The following PKD1 variants were observed in gnomAD, a reference collection of about 807,000 sequenced individuals.
PKD1 encodes polycystin 1, transient receptor potential channel interacting, also known as polycystin-1.
In PKD1, 81 loss-of-function variants were observed where a neutral mutation model predicts 361.7. The observed-to-expected ratio is 0.22, with a 90% CI of 0.19 to 0.27. The LOEUF (loss-of-function observed/expected upper bound fraction) is 0.27. Ranked by LOEUF, PKD1 falls within the 10% of genes least tolerant of loss-of-function variation. The probability of loss-of-function intolerance (pLI) is 1.00; values close to 1 mark genes in which losing one functional copy is unlikely to be tolerated. For missense variants in PKD1, 6,399 were observed against 6,118.3 expected (o/e 1.05, Z -1.53); for synonymous variants, 3,615 against 2,818.3 (o/e 1.28, Z -8.95).
chr16:2,113,704 G>C (rs1352479846), intron 11 of PKD1: 1 of 359,916 alleles, frequency 2.8e-6, no homozygotes, highest in Non-Finnish European at 5.2e-6. Context: ...CGCCATTTCT[G>C]ATGGCCCCTC....
At chr16:2,113,136 C>T (rs1202263305) in intron 12 of PKD1, 25 bp downstream of exon 12, 1 of 706,092 alleles carries the variant, frequency 1.4e-6, no homozygotes, top group Non-Finnish European at 2.5e-6. Context: ...CCCATCCCCT[C>T]CCCTCCCCAC....
chr16:2,106,887 T>C lies in PKD1; in HGVS notation c.7127A>G (p.Gln2376Arg), dbSNP rs1240731985. The C allele has an allele frequency of 5.8e-6, 9 of 1,556,708 alleles. No individual in the cohort carries two copies. In the African/African-American group the frequency reaches 8.5e-5, roughly 15 times the overall value. Residue 2376 changes from glutamine (Q) to arginine (R), a missense_variant, in exon 17 of 46, where the codon CAG becomes CGG. Transcript: ENST00000262304. The surrounding 1 kb of genome is among the most constrained non-coding windows in gnomAD (Gnocchi z 6.5). Reference protein sequence around the residue: ...VSLECVSCKAQAVYEVSRSSY... With the variant: ...VSLECVSCKARAVYEVSRSSY... The stretch of plus-strand genomic sequence containing the variant: ...GCTGCGGCTCACTTCGTACACGGCC[T>C]GTGCCTTGCAGGACACACACTCCAA...
intron 1 of PKD1, among the ~76,000 whole-genome samples, chr16:2,130,157 C>T (rs932035788): frequency 1.3e-5 from 2 of 152,260 alleles, no homozygotes; most frequent in South Asian, 4.1e-4. Flanking sequence ...CACGCAGGCA[C>T]GTTCTGAACG....
rs768622207 is a variant in PKD1, at chr16:2,112,934, G to A, written c.3015C>T (p.Val1005=). Residue 1005 remains valine, a synonymous_variant, in exon 13 of 46, where the codon GTC becomes GTT. Transcript: ENST00000262304. ...SLTASNHVSN[V]TVNYNVTVER... ...CCACGGTTACGTTGTAGTTCACGGTGACGTTGCTCACGTGGTTGGAGGCCG... is the reference window on the plus strand; with the variant it reads ...CCACGGTTACGTTGTAGTTCACGGTAACGTTGCTCACGTGGTTGGAGGCCG... The A allele has an allele frequency of 9.4e-6, 15 of 1,603,304 alleles. No individual in the cohort carries two copies. In the East Asian group the frequency reaches 1.1e-4, roughly 12 times the overall value.
rs771603537 is a variant in PKD1, at chr16:2,090,715, G to C, written c.12097C>G (p.Leu4033Val). The change falls in exon 44 of 46, where the codon CTG (leucine) becomes GTG (valine). Residue 4033 changes from leucine to valine, a missense_variant. Leu to Val is a conservative substitution (Grantham distance 32, BLOSUM62 1). Transcript: ENST00000262304. ...LPELLGVTLG[L>V]VVLGVAYAQL... is the part of the protein sequence containing the mutation. ...GCGTAGGCTACCCCGAGCACCACCA[G>C]GCCCAAGGTGACCCCCAGGAGCTCT... The C allele has an allele frequency of 1.2e-5, 20 of 1,612,490 alleles. No individual in the cohort carries two copies. The highest frequency in any genetic ancestry group is 1.4e-5 in the Non-Finnish European group (16 of 1,179,948).
In PKD1 at chr16:2,108,727, C is replaced by T. The variant is rs771035065; in HGVS notation, c.6440G>A (p.Arg2147Gln). The change falls in exon 15 of 46, where the codon CGG (arginine) becomes CAG (glutamine). Residue 2147 changes from arginine to glutamine, a missense_variant. Transcript: ENST00000262304. ...ATVTVQVLAC[R>Q]EPEVDVVLPL... The stretch of plus-strand genomic sequence containing the variant: ...CAGGACCACGTCCACCTCCGGCTCC[C>T]GGCAGGCCAGCACCTGGACGGTCAC... The T allele has an allele frequency of 1.3e-5, 21 of 1,571,496 alleles. No individual in the cohort carries two copies. The highest frequency in any genetic ancestry group is 2.2e-4 in the Middle Eastern group (1 of 4,502).
rs1478169362 is a variant in PKD1, at chr16:2,111,534, C to A, written c.3633G>T (p.Glu1211Asp). 1.2e-6 allele frequency: 2 copies of A among 1,604,754 alleles called. No individual in the cohort carries two copies. The highest frequency in any genetic ancestry group is 1.7e-6 in the Non-Finnish European group (2 of 1,176,554). ...TCATGTCCACGCTGAGTCCGCGGAG[C>A]TCCTCAAAGACGCGCACATCCGCCT... ...AAQADVRVFE[E>D]LRGLSVDMSL... The change falls in exon 15 of 46, where the codon GAG becomes GAT. Residue 1211 changes from glutamate to aspartate, a missense_variant. Transcript: ENST00000262304.
rs2091252371 is a variant in PKD1, at chr16:2,088,771, G to A, written c.*956C>T. 6 of 1,018,410 alleles carry A rather than the reference G, an allele frequency of 5.9e-6. No individual in the cohort carries two copies. Among genetic ancestry groups the A allele is most frequent in the Admixed American group, 2.6e-5 (1 of 38,104 alleles). The allele number at this position is 1,018,410 out of a possible 1,614,324, so 63.1% of individuals were successfully genotyped here. A position where few individuals can be genotyped will look rare whatever the true frequency, so the allele number is the denominator to read the frequency against. On this transcript the variant is annotated 3_prime_UTR_variant, in exon 46 of 46. Transcript: ENST00000262304. Reference sequence around the variant, plus strand: ...GGTGCGGGGGTTGGGGGGGTGTCGAGGCTCTAGAAGCGGCCATGCCCACAG... The same window carrying A: ...GGTGCGGGGGTTGGGGGGGTGTCGAAGCTCTAGAAGCGGCCATGCCCACAG...
At position 2,111,549 on chromosome 16, in the gene PKD1, C is replaced by T. The variant is rs1443461442; in HGVS notation, c.3618G>A (p.Val1206=). ...GTCCGCGGAGCTCCTCAAAGACGCG[C>T]ACATCCGCCTGGGCCGCCGCACCGC... ...TVSGAAAQAD[V]RVFEELRGLS... Residue 1206 remains valine (V), a synonymous_variant, in exon 15 of 46, where the codon GTG becomes GTA. Coordinates refer to ENST00000262304, the MANE Select transcript of PKD1 (RefSeq NM_001009944.3). 2 of 1,593,986 alleles carry T rather than the reference C, an allele frequency of 1.3e-6. No homozygotes were observed.
Position 2,106,309 on chromosome 16 carries a change from G to A in PKD1, c.7490-5C>T. On this transcript the variant is annotated splice_region_variant and splice_polypyrimidine_tract_variant and intron_variant, in intron 18 of 45. Transcript: ENST00000262304. The surrounding 1 kb of genome is among the most constrained non-coding windows in gnomAD (Gnocchi z 6.5). ...CATCCTCCGCGTCATGCCAGCCTGA[G>A]GGACGGTCCCCACGGCATCACGGGA... 2 of 1,608,976 alleles carry A rather than the reference G, an allele frequency of 1.2e-6. No homozygotes were observed. The highest frequency in any genetic ancestry group is 1.1e-5 in the South Asian group (1 of 90,936).
chr16:2,096,841 C>T, intron 34 of PKD1: 1 of 464,546 alleles, frequency 2.2e-6, no homozygotes, highest in South Asian at 2.8e-5. Flanking sequence ...TAAAAACCCG[C>T]CCATAATTTC....
chr16:2,088,830 G>A lies in PKD1; in HGVS notation c.*897C>T, dbSNP rs563951265. On this transcript the variant is annotated 3_prime_UTR_variant, in exon 46 of 46. Transcript: ENST00000262304. The stretch of plus-strand genomic sequence containing the variant: ...CACAGAAGCAGGCACAGCCAGCTCC[G>A]AGGGCCTTGAGGCTGCCTGGGCCAT... The A allele has an allele frequency of 2.1e-4, 130 of 618,828 alleles. No individual in the cohort carries two copies. Among genetic ancestry groups the A allele is most frequent in the Non-Finnish European group, 3.1e-4 (111 of 358,752 alleles). The allele number at this position is 618,828 out of a possible 1,614,324, so 38.3% of individuals were successfully genotyped here. A position where few individuals can be genotyped will look rare whatever the true frequency, so the allele number is the denominator to read the frequency against.
In PKD1 at chr16:2,105,373, G is replaced by C. The variant is rs749508207; in HGVS notation, c.7965C>G (p.Val2655=). The C allele has an allele frequency of 1.9e-6, 3 of 1,587,152 alleles. No homozygotes were observed. Among genetic ancestry groups the C allele is most frequent in the Admixed American group, 3.3e-5 (2 of 59,948 alleles). ...NITETLVSLR[V]HTVDDIQQIA... ...TCTGCTGGATGTCATCCACAGTGTG[G>C]ACCCTCAGGGACACCAGAGTCTCCG... Residue 2655 remains valine, a synonymous_variant, in exon 21 of 46, where the codon GTC becomes GTG. Transcript: ENST00000262304.
chr16:2,094,101 A>G lies in PKD1; in HGVS notation c.10609T>C (p.Ser3537Pro). The stretch of plus-strand genomic sequence containing the variant: ...GGCTACGCAAGCACACCTGTCCTGG[A>G]CAGCCTCGCTGCCTGGGGCTGTTCC... ...NWEQPQAARLSRTGLVEGLRK... is the reference protein window; with the variant it reads ...NWEQPQAARLPRTGLVEGLRK... The change falls in exon 35 of 46, where the codon TCC becomes CCC. Residue 3537 changes from serine to proline, a missense_variant. Ser to Pro is a moderately conservative substitution (Grantham distance 74). Transcript: ENST00000262304. The G allele has an allele frequency of 6.3e-7, 1 of 1,591,682 alleles. No homozygotes were observed. Among genetic ancestry groups the G allele is most frequent in the Non-Finnish European group, 8.6e-7 (1 of 1,168,408 alleles).
chr16:2,134,842 TC>T (rs200341010), intron 1 of PKD1, among the ~76,000 whole-genome samples: 1 of 143,556 alleles, frequency 7.0e-6, no homozygotes, highest in South Asian at 2.3e-4. Flanking sequence ...CCCACGGCAA[TC>T]CCCCCTCACC....
In PKD1 at chr16:2,115,465, C is replaced by G. The variant is rs752795943; in HGVS notation, c.2010G>C (p.Thr670=). Residue 670 remains threonine (T), a synonymous_variant, in exon 10 of 46, where the codon ACG becomes ACC. Transcript: ENST00000262304. ...CHPQACANGC[T]SGPGLPGAPY... is the part of the protein sequence containing the mutation. ...GGGCCCCGGGTAGCCCTGGCCCTGA[C>G]GTGCAGCCATTGGCGCAGGCCTGGG... The G allele has an allele frequency of 8.1e-6, 13 of 1,601,254 alleles. No homozygotes were observed. Among genetic ancestry groups the G allele is most frequent in the Non-Finnish European group, 1.0e-5 (12 of 1,175,578 alleles).
At chr16:2,090,646 C>T (rs1176096899) in intron 44 of PKD1, 28 bp downstream of exon 44, 1 of 1,610,308 alleles carries the variant, frequency 6.2e-7, no homozygotes, top group Non-Finnish European at 8.5e-7. Context: ...TGAGCTAAGA[C>T]GCCCTCCCCG....
Position 2,090,243 on chromosome 16 carries a change from G to A in PKD1, c.12444+42C>T, listed in dbSNP as rs747143627. On this transcript the variant is annotated intron_variant, in intron 45 of 45. Transcript: ENST00000262304. ...TCAGTCCGGCTGCACCCTGGGCAGA[G>A]CCCAGGGCGTGTCCCTCTCCCCCCC... The A allele has an allele frequency of 1.3e-5, 21 of 1,609,080 alleles. No individual in the cohort carries two copies. The South Asian group carries it at 1.7e-4, about 13-fold the overall frequency.
At chr16:2,124,185 G>A (rs1298099976) in intron 1 of PKD1, among the ~76,000 whole-genome samples, 10 of 152,336 alleles carry the variant, frequency 6.6e-5, no homozygotes, top group East Asian at 5.8e-4. Context: ...CTCCACACCC[G>A]TCACAGGTGG....
Sources: gnomAD v4.1 joint callset for allele counts (sites outside exome capture counted in the v4.1 genomes callset) on GRCh38, gnomAD v4.1.1 for gene constraint, Gnocchi (gnomAD v3.1) non-coding constraint, MANE v1.5 for transcripts, NCBI Gene and HGNC (gene_info 2026-07-23, HGNC 2026-07-21) for gene names.